The following LRP1B variants were observed in gnomAD, a reference collection of about 807,000 sequenced individuals.
The protein encoded by LRP1B is low-density lipoprotein receptor-related protein 1B.
A neutral mutation model predicts 556.6 loss-of-function variants in LRP1B; 217 were observed. The ratio of observed to expected loss-of-function variants is 0.39; its 90% CI spans 0.35 to 0.44. The LOEUF is 0.44. LRP1B is among the 20% of genes least tolerant of loss of function. The pLI, the probability that LRP1B is intolerant of heterozygous loss-of-function variation, is 1.00. For synonymous variants in LRP1B, 2,047 were observed against 1,865.8 expected (o/e 1.10, Z -2.50); for missense variants, 5,053 against 5,620.8 (o/e 0.90, Z 3.23).
At chr2:142,104,792 G>A (rs182642897) in intron 1 of LRP1B, among the ~76,000 whole-genome samples, 2 of 152,156 alleles carry the variant, frequency 1.3e-5, no homozygotes, top group East Asian at 1.9e-4. Flanking sequence ...TTAAAAATGC[G>A]AGCAGTAAAC....
intron 27 of LRP1B, among the ~76,000 whole-genome samples, chr2:140,865,821 T>C (rs1692932460): frequency 6.6e-6 from 1 of 152,068 alleles, no homozygotes; most frequent in African/African-American, 2.4e-5. Context: ...AAATCATATT[T>C]TGAGTTAAGG....
chr2:141,690,387 A>G (rs1691471872), intron 2 of LRP1B, among the ~76,000 whole-genome samples: 1 of 120,236 alleles, frequency 8.3e-6, no homozygotes, highest in African/African-American at 3.1e-5. Flanking sequence ...AAAAGGGATT[A>G]CATCTATAAA....
intron 2 of LRP1B, among the ~76,000 whole-genome samples, chr2:141,649,257 C>T (rs1204816116): frequency 6.6e-6 from 1 of 152,098 alleles, no homozygotes; most frequent in Non-Finnish European, 1.5e-5. Flanking sequence ...TGAGAGTATT[C>T]TGAGCGGGGG....
intron 66 of LRP1B, among the ~76,000 whole-genome samples, chr2:140,435,921 C>T (rs1023464037): frequency 6.6e-6 from 1 of 151,920 alleles, no homozygotes; most frequent in African/African-American, 2.4e-5. Context: ...CATTTCAATG[C>T]AAAATAAATG....
chr2:141,036,792 C>T (rs915355344), intron 11 of LRP1B, among the ~76,000 whole-genome samples: 9 of 151,766 alleles, frequency 5.9e-5, no homozygotes, highest in African/African-American at 9.7e-5. Context: ...AGAATAGGAG[C>T]GAAAGCTGTC....
chr2:141,111,366 T>TCA (rs4008682), intron 7 of LRP1B, among the ~76,000 whole-genome samples: 121,963 of 151,906 alleles, frequency 0.8, 49,626 homozygotes, highest in East Asian at 0.87. Flanking sequence ...TCCTCATTAT[T>TCA]CAGATTTCAT....
At chr2:140,533,285 T>C (rs1690802966) in intron 47 of LRP1B, among the ~76,000 whole-genome samples, 2 of 152,104 alleles carry the variant, frequency 1.3e-5, no homozygotes, top group South Asian at 2.1e-4. Flanking sequence ...TGTTCTAACC[T>C]TATTTAATAT....
intron 11 of LRP1B, among the ~76,000 whole-genome samples, chr2:141,044,594 T>A (rs1290598503): frequency 2.7e-5 from 4 of 150,940 alleles, no homozygotes; most frequent in African/African-American, 9.7e-5. Context: ...AACAACCCCA[T>A]CAAAAAGTGG....
At chr2:142,024,082 C>G (rs1039961935) in intron 1 of LRP1B, among the ~76,000 whole-genome samples, 1 of 152,154 alleles carries the variant, frequency 6.6e-6, no homozygotes, top group Admixed American at 6.5e-5. Flanking sequence ...ATTGTGCATG[C>G]ATGTTTGTAG....
At chr2:141,216,565 C>T (rs1252408685) in intron 6 of LRP1B, among the ~76,000 whole-genome samples, 1 of 152,122 alleles carries the variant, frequency 6.6e-6, no homozygotes. Context: ...CCACTGGCAG[C>T]TTTCACACTA....
intron 35 of LRP1B, among the ~76,000 whole-genome samples, chr2:140,729,309 TTAAGTTTAC>T (rs1687697366): frequency 6.6e-6 from 1 of 152,126 alleles, no homozygotes; most frequent in Non-Finnish European, 1.5e-5. Flanking sequence ...AAAGGTAAAG[TTAAGTTTAC>T]TGTTAACAGT....
chr2:141,816,614 A>G (rs1394622876), intron 1 of LRP1B, among the ~76,000 whole-genome samples: 3 of 152,100 alleles, frequency 2.0e-5, no homozygotes, highest in East Asian at 3.9e-4. Flanking sequence ...CAAACGGCCT[A>G]TTGTGGGACT....
chr2:140,558,828 C>T (rs1680827323), intron 43 of LRP1B, among the ~76,000 whole-genome samples: 1 of 151,230 alleles, frequency 6.6e-6, no homozygotes, highest in African/African-American at 2.4e-5. Flanking sequence ...TCCAGCTACT[C>T]AGGAGGCTGA....
intron 11 of LRP1B, among the ~76,000 whole-genome samples, chr2:141,032,005 ATG>A (rs1318690706): frequency 6.6e-6 from 1 of 152,068 alleles, no homozygotes; most frequent in Non-Finnish European, 1.5e-5. Flanking sequence ...CAAGCTAAGA[ATG>A]TATATCATGT....
chr2:140,385,145 TGAG>T (rs1428410260), intron 67 of LRP1B, among the ~76,000 whole-genome samples: 1 of 152,048 alleles, frequency 6.6e-6, no homozygotes, highest in Non-Finnish European at 1.5e-5. Flanking sequence ...GCTGGAAGGT[TGAG>T]GTGGGAGGAT....
intron 6 of LRP1B, among the ~76,000 whole-genome samples, chr2:141,218,376 A>T (rs1379522553): frequency 1.3e-5 from 2 of 152,230 alleles, no homozygotes; most frequent in Non-Finnish European, 2.9e-5. Flanking sequence ...AAAGACATAG[A>T]GTCAACCTAG....
chr2:140,331,233 A>G (rs1680795146), intron 79 of LRP1B, among the ~76,000 whole-genome samples: 1 of 152,122 alleles, frequency 6.6e-6, no homozygotes, highest in African/African-American at 2.4e-5. Context: ...ATGGAGTACT[A>G]TGCAGCCATA....
In LRP1B at chr2:140,457,443, A is replaced by G. The variant is rs1375351678; in HGVS notation, c.9814+20T>C. 6.4e-7 allele frequency: 1 copy of G among 1,564,242 alleles called. No homozygotes were observed. The highest frequency in any genetic ancestry group is 8.8e-7 in the Non-Finnish European group (1 of 1,137,600). On this transcript the variant is annotated intron_variant, in intron 61 of 90. Transcript: ENST00000389484. ...GAAAGATGTTAATGCATTTATGGAA[A>G]TCATGGAAAGAATAATTACCATCAG...
chr2:141,030,900 A>T (rs1179258665), intron 11 of LRP1B, among the ~76,000 whole-genome samples: 2 of 152,000 alleles, frequency 1.3e-5, no homozygotes, highest in East Asian at 3.9e-4. Flanking sequence ...TTTTTGAGGG[A>T]GGCAAAAAGT....
Sources: gnomAD v4.1 joint callset for allele counts (sites outside exome capture counted in the v4.1 genomes callset) on GRCh38, gnomAD v4.1.1 for gene constraint, MANE v1.5 for transcripts, NCBI Gene and HGNC (gene_info 2026-07-23, HGNC 2026-07-21) for gene names.